Variants in STAT1 observed in about 807,000 individuals in gnomAD.
The protein encoded by STAT1 is signal transducer and activator of transcription 1, also known as signal transducer and activator of transcription 1-alpha/beta.
In STAT1, 24 loss-of-function variants were observed where a neutral mutation model predicts 111.7. The ratio of observed to expected loss-of-function variants is 0.21; its 90% CI spans 0.16 to 0.30. The LOEUF (loss-of-function observed/expected upper bound fraction) is 0.30. Among genes scored for constraint, STAT1 ranks in the 10% least tolerant of loss-of-function variants. STAT1 has a pLI of 1.00. For synonymous variants in STAT1, 332 were observed against 326.5 expected, an observed-to-expected ratio of 1.02 and a Z score of -0.18; for missense variants, 351 against 911.9, an observed-to-expected ratio of 0.38 and a Z score of 7.92.
At chr2:190,994,939 TATATATATATATATATATAA>T (rs1693728659) in intron 10 of STAT1, 102 bp downstream of exon 10, 1 of 189,190 alleles carries the variant, frequency 5.3e-6, no homozygotes, top group African/African-American at 3.3e-5. Context: ...TATATATATA[TATATATATATATATATATAA>T]AAAACACCTA....
rs1034514784 is a variant in STAT1 at position 190,998,425 on chromosome 2, T to C, written c.542-117A>G. The C allele has an allele frequency of 2.3e-6, 2 of 856,866 alleles. No individual in the cohort carries two copies. The highest frequency in any genetic ancestry group is 3.9e-6 in the Non-Finnish European group (2 of 515,648). 53.1% of individuals were successfully genotyped at this position (856,866 alleles called of 1,614,324 possible). A position where few individuals can be genotyped will look rare whatever the true frequency, so the allele number is the denominator to read the frequency against. On this transcript the variant is annotated intron_variant, in intron 7 of 24. Transcript: ENST00000361099. The surrounding 1 kb of genome is among the most constrained non-coding windows in gnomAD (Gnocchi z 4.1). The stretch of plus-strand genomic sequence containing the variant: ...ATGCTGCCTAGTGACAGGTCAAAGT[T>C]TGGCTTTCTTCGATCTTTAATGAAC...
chr2:191,000,937 G>C lies in STAT1; in HGVS notation c.462+137C>G. 1 of 729,602 alleles carries C rather than the reference G, an allele frequency of 1.4e-6. No individual in the cohort carries two copies. The highest frequency in any genetic ancestry group is 2.5e-6 in the Non-Finnish European group (1 of 407,694). 45.2% of individuals were successfully genotyped at this position (729,602 alleles called of 1,614,324 possible). ...TTGCCAATTTGTTTACTTATAGCTTGAGACTTCTGCAAAATTTTTCTTCCC... is the reference window on the plus strand; with the variant it reads ...TTGCCAATTTGTTTACTTATAGCTTCAGACTTCTGCAAAATTTTTCTTCCC... On this transcript the variant is annotated intron_variant, in intron 6 of 24. Transcript: ENST00000361099. This position sits in a 1 kb window ranked among gnomAD's most constrained non-coding sequence, Gnocchi z 4.8.
In STAT1 at chr2:190,979,324, T is replaced by A. The variant is rs543965006; in HGVS notation, c.1728-323A>T. Among the ~76,000 whole-genome samples the A allele has an allele frequency of 3.3e-4, 50 of 152,332 alleles. No individual in the cohort carries two copies. Among genetic ancestry groups the A allele is most frequent in the Non-Finnish European group, 6.2e-4 (42 of 68,030 alleles). On this transcript the variant is annotated intron_variant, in intron 20 of 24. Transcript: ENST00000361099. The surrounding 1 kb of genome is among the most constrained non-coding windows in gnomAD (Gnocchi z 5.8). ...TAACAATGTCTGAATGTATACATCT[T>A]TTTTACTGGAGAGGAAGACCTAGGC... is the stretch of plus-strand genomic sequence containing the variant.
At position 190,980,018 on chromosome 2, in the gene STAT1, A is replaced by G. The variant is rs942890285; in HGVS notation, c.1633-152T>C. On this transcript the variant is annotated intron_variant, in intron 19 of 24. Coordinates refer to ENST00000361099, the MANE Select transcript of STAT1 (RefSeq NM_007315.4). The surrounding 1 kb of genome is among the most constrained non-coding windows in gnomAD (Gnocchi z 6.1). The stretch of plus-strand genomic sequence containing the variant: ...AATGGGATCCCTCCCCTGGCAGGGA[A>G]TATCAAGTTCCCTCCCCGCTCTTAT... 7.5e-6 allele frequency: 5 copies of G among 664,896 alleles called. No homozygotes were observed. In the Admixed American group the frequency reaches 1.1e-4, roughly 15 times the overall value. 41.2% of individuals were successfully genotyped at this position (664,896 alleles called of 1,614,324 possible). A position where few individuals can be genotyped will look rare whatever the true frequency, so the allele number is the denominator to read the frequency against.
chr2:190,989,707 A>G lies in STAT1; in HGVS notation c.1038-33T>C, dbSNP rs749889640. 11 of 1,482,036 alleles carry G rather than the reference A, an allele frequency of 7.4e-6. No individual in the cohort carries two copies. Among genetic ancestry groups the G allele is most frequent in the Non-Finnish European group, 1.0e-5 (11 of 1,070,508 alleles). 91.8% of individuals were successfully genotyped at this position (1,482,036 alleles called of 1,614,324 possible). ...GAAAAATAAAAGCCATTACTTAAAA[A>G]AAATTATCTGTTACAATTTATTTAT... On this transcript the variant is annotated intron_variant, in intron 11 of 24. Coordinates refer to ENST00000361099, the MANE Select transcript of STAT1 (RefSeq NM_007315.4). The surrounding 1 kb of genome is among the most constrained non-coding windows in gnomAD (Gnocchi z 5.0).
In STAT1 at chr2:190,999,690, T is replaced by A; in HGVS notation, c.477A>T (p.Glu159Asp). The A allele has an allele frequency of 6.2e-7, 1 of 1,613,076 alleles. No homozygotes were observed. The highest frequency in any genetic ancestry group is 8.5e-7 in the Non-Finnish European group (1 of 1,179,128). The part of the protein sequence containing the change: ...VKDKVMCIEH[E>D]IKSLEDLQDE... ...CTTGTAAATCTTCCAGGCTCTTGAT[T>A]TCATGCTCTATACACTACAAACAAA... is the stretch of plus-strand genomic sequence containing the variant. Residue 159 changes from glutamate (E) to aspartate (D), a missense_variant, in exon 7 of 25, where the codon GAA (glutamate) becomes GAT (aspartate). Coordinates refer to ENST00000361099, the MANE Select transcript of STAT1 (RefSeq NM_007315.4). This position sits in a 1 kb window ranked among gnomAD's most constrained non-coding sequence, Gnocchi z 4.1.
chr2:190,969,168 A>C lies in STAT1; in HGVS notation c.*1535T>G, dbSNP rs1029098266. 3 of 152,136 alleles carry C rather than the reference A, an allele frequency of 2.0e-5. No homozygotes were observed. The highest frequency in any genetic ancestry group is 7.2e-5 in the African/African-American group (3 of 41,428). 9.4% of individuals were successfully genotyped at this position (152,136 alleles called of 1,614,324 possible). On this transcript the variant is annotated 3_prime_UTR_variant, in exon 25 of 25. Transcript: ENST00000361099. ...CAGCAATTAGAAACAATATTGTTTT[A>C]ATGTTGTCTTCTTTGTTTTTTAGTC...
chr2:190,981,318 T>G lies in STAT1; in HGVS notation c.1583-649A>C, dbSNP rs530172887. ...CTTTACAAGTTTATTTTAGACATTA[T>G]TTATGCATTTCCCTCAGCTTTCCTC... On this transcript the variant is annotated intron_variant, in intron 18 of 24. Transcript: ENST00000361099. The surrounding 1 kb of genome is among the most constrained non-coding windows in gnomAD (Gnocchi z 4.1). Among the ~76,000 whole-genome samples the G allele has an allele frequency of 6.6e-6, 1 of 152,342 alleles. No homozygotes were observed. Among genetic ancestry groups the G allele is most frequent in the South Asian group, 2.1e-4 (1 of 4,830 alleles).
At chr2:191,013,378 T>A (rs1174973770) in intron 2 of STAT1, 147 bp downstream of exon 2, 7 of 319,960 alleles carry the variant, frequency 2.2e-5, no homozygotes, top group Non-Finnish European at 3.4e-5. Flanking sequence ...TAAGACTATA[T>A]TATTTTGGGG....
chr2:190,987,115 A>C lies in STAT1; in HGVS notation c.1098-47T>G. 1 of 1,419,622 alleles carries C rather than the reference A, an allele frequency of 7.0e-7. No individual in the cohort carries two copies. The highest frequency in any genetic ancestry group is 1.2e-5 in the South Asian group (1 of 86,140). The allele number at this position is 1,419,622 out of a possible 1,614,324, so 87.9% of individuals were successfully genotyped here. A position where few individuals can be genotyped will look rare whatever the true frequency, so the allele number is the denominator to read the frequency against. ...TCACATATGCGTATTTAAAATTTGA[A>C]ATAAGCTTTAACAAAATTATAAGAG... On this transcript the variant is annotated intron_variant, in intron 12 of 24. Transcript: ENST00000361099. This position sits in a 1 kb window ranked among gnomAD's most constrained non-coding sequence, Gnocchi z 4.0.
chr2:190,985,491 G>A, intron 15 of STAT1, 128 bp downstream of exon 15: 1 of 902,058 alleles, frequency 1.1e-6, no homozygotes, highest in Non-Finnish European at 1.8e-6. Context: ...CAAATACCCA[G>A]CTCCTTTGCT....
rs1342032113 is a variant in STAT1, at chr2:190,987,369, C to T, written c.1098-301G>A. Reference sequence around the variant, plus strand: ...ATGAGGAATAAACTAGTTAATTCCTCACCAGTACACCCTCAATAAATGTAA... The same window carrying T: ...ATGAGGAATAAACTAGTTAATTCCTTACCAGTACACCCTCAATAAATGTAA... On this transcript the variant is annotated intron_variant, in intron 12 of 24. Coordinates refer to ENST00000361099, the MANE Select transcript of STAT1 (RefSeq NM_007315.4). This position sits in a 1 kb window ranked among gnomAD's most constrained non-coding sequence, Gnocchi z 4.0. 2.0e-5 allele frequency among the ~76,000 whole-genome samples: 3 copies of T among 152,184 alleles called. No individual in the cohort carries two copies. Among genetic ancestry groups the T allele is most frequent in the African/African-American group, 7.2e-5 (3 of 41,436 alleles).
Position 191,003,116 on chromosome 2 carries a change from C to T in STAT1, c.373-1953G>A, listed in dbSNP as rs1285911644. Among the ~76,000 whole-genome samples the T allele has an allele frequency of 6.6e-6, 1 of 152,118 alleles. No homozygotes were observed. The highest frequency in any genetic ancestry group is 1.9e-4 in the East Asian group (1 of 5,194). ...TTTTGTTTTATCTTTATCAGGCATA[C>T]GTCATCAAAGTTATTCTCTCTTCAT... On this transcript the variant is annotated intron_variant, in intron 5 of 24. Transcript: ENST00000361099. The surrounding 1 kb of genome is among the most constrained non-coding windows in gnomAD (Gnocchi z 4.0).
rs1471884909 is a variant in STAT1 at position 190,993,132 on chromosome 2, G to A, written c.945-1812C>T. ...CTAGTTTCCAAAAACAGAATTCCAA[G>A]GGAATCAGCAAATTCCTTGGCTGTT... On this transcript the variant is annotated intron_variant, in intron 10 of 24. Transcript: ENST00000361099. The surrounding 1 kb of genome is among the most constrained non-coding windows in gnomAD (Gnocchi z 4.1). 7.0e-6 allele frequency: 3 copies of A among 426,642 alleles called. No homozygotes were observed. Among genetic ancestry groups the A allele is most frequent in the Non-Finnish European group, 1.3e-5 (3 of 224,786 alleles). 26.4% of individuals were successfully genotyped at this position (426,642 alleles called of 1,614,324 possible). A position where few individuals can be genotyped will look rare whatever the true frequency, so the allele number is the denominator to read the frequency against.
In STAT1 at chr2:190,989,110, C is replaced by T. The variant is rs1240501279; in HGVS notation, c.1097+505G>A. Among the ~76,000 whole-genome samples the T allele has an allele frequency of 2.0e-5, 3 of 151,982 alleles. No individual in the cohort carries two copies. Among genetic ancestry groups the T allele is most frequent in the Non-Finnish European group, 4.4e-5 (3 of 68,010 alleles). ...AGTCTCCCCAAGATGCTGCTGACCT[C>T]GCTCCAGAAAAAAACCCCCAAATGA... On this transcript the variant is annotated intron_variant, in intron 12 of 24. Transcript: ENST00000361099. The surrounding 1 kb of genome is among the most constrained non-coding windows in gnomAD (Gnocchi z 5.0).
At position 190,978,998 on chromosome 2, in the gene STAT1, G is replaced by C; in HGVS notation, c.1731C>G (p.Cys577Trp). ...KHLLPLWNDG[C>W]IMGFISKERE... The stretch of plus-strand genomic sequence containing the variant: ...GCTCCTTGCTGATGAAGCCCATGAT[G>C]CACCTGGATATCGAAGAGATGGACG... Residue 577 changes from cysteine to tryptophan, a missense_variant, in exon 21 of 25, where the codon TGC (cysteine) becomes TGG (tryptophan). Cys to Trp is a radical substitution (Grantham distance 215). This residue lies in a region of STAT1 where 181 missense variants were observed against 426.1 expected (regional missense o/e 0.42). Transcript: ENST00000361099. The surrounding 1 kb of genome is among the most constrained non-coding windows in gnomAD (Gnocchi z 6.1). The C allele has an allele frequency of 6.2e-7, 1 of 1,614,182 alleles. No individual in the cohort carries two copies.
Position 191,007,587 on chromosome 2 carries a change from C to T in STAT1, c.348G>A (p.Leu116=). 6.2e-7 allele frequency: 1 copy of T among 1,613,568 alleles called. No individual in the cohort carries two copies. The highest frequency in any genetic ancestry group is 8.5e-7 in the Non-Finnish European group (1 of 1,179,794). ...YSCLKEERKI[L]ENAQRFNQAQ... ...CCTGATTAAATCTCTGGGCGTTTTCCAGAATTTTCCTTTCTTCCTTCAGAC... is the reference window on the plus strand; with the variant it reads ...CCTGATTAAATCTCTGGGCGTTTTCTAGAATTTTCCTTTCTTCCTTCAGAC... The change falls in exon 5 of 25, where the codon CTG becomes CTA. Residue 116 remains leucine, a synonymous_variant. Coordinates refer to ENST00000361099, the MANE Select transcript of STAT1 (RefSeq NM_007315.4). The surrounding 1 kb of genome is among the most constrained non-coding windows in gnomAD (Gnocchi z 4.2).
rs1267926961 is a variant in STAT1, at chr2:190,996,754, C to T, written c.785+1102G>A. ...AAACTGGCAATATAGAAAATAACCTCGTGAGATCTCTGGTCCTTGGACCCT... is the reference window on the plus strand; with the variant it reads ...AAACTGGCAATATAGAAAATAACCTTGTGAGATCTCTGGTCCTTGGACCCT... On this transcript the variant is annotated intron_variant, in intron 9 of 24. Transcript: ENST00000361099. This position sits in a 1 kb window ranked among gnomAD's most constrained non-coding sequence, Gnocchi z 4.5. Among the ~76,000 whole-genome samples, 1 of 152,148 alleles carries T rather than the reference C, an allele frequency of 6.6e-6. No homozygotes were observed. Among genetic ancestry groups the T allele is most frequent in the Non-Finnish European group, 1.5e-5 (1 of 68,024 alleles).
rs1471077868 is a variant in STAT1 at position 190,987,083 on chromosome 2, T to C, written c.1098-15A>G. The C allele has an allele frequency of 2.7e-5, 43 of 1,591,706 alleles. No homozygotes were observed. The highest frequency in any genetic ancestry group is 3.4e-5 in the Non-Finnish European group (39 of 1,161,424). On this transcript the variant is annotated splice_polypyrimidine_tract_variant and intron_variant, in intron 12 of 24. Coordinates refer to ENST00000361099, the MANE Select transcript of STAT1 (RefSeq NM_007315.4). This position sits in a 1 kb window ranked among gnomAD's most constrained non-coding sequence, Gnocchi z 4.0. The stretch of plus-strand genomic sequence containing the variant: ...CATTCACATCTCTGCAAAAAAAATA[T>C]ATATAATCACATATGCGTATTTAAA...
Sources: allele counts gnomAD v4.1 joint callset (sites outside exome capture counted in the v4.1 genomes callset), GRCh38; gene constraint gnomAD v4.1.1; regional missense constraint gnomAD v4.1.1; non-coding constraint Gnocchi (gnomAD v3.1); transcripts MANE v1.5; gene names NCBI Gene and HGNC (gene_info 2026-07-23, HGNC 2026-07-21).